Variants in GRID1 observed in about 807,000 individuals in gnomAD.
The protein encoded by GRID1 is glutamate receptor ionotropic, delta-1.
GRID1 carries 28 observed loss-of-function variants against 98.0 expected under a neutral mutation model. The ratio of observed to expected loss-of-function variants is 0.29; its 90% confidence interval spans 0.21 to 0.39. GRID1 has a LOEUF of 0.39. Among genes scored for constraint, GRID1 ranks in the 10% least tolerant of loss-of-function variants. The pLI is 1.00. For synonymous variants in GRID1, 553 were observed against 538.5 expected (o/e 1.03, Z -0.37); for missense variants, 1,111 against 1,340.5 (o/e 0.83, Z 2.67).
At chr10:85,700,622 T>C (rs895500699) in intron 12 of GRID1, among the ~76,000 whole-genome samples, 3 of 152,220 alleles carry the variant, frequency 2.0e-5, no homozygotes, top group African/African-American at 7.2e-5. Context: ...GTCATCATTA[T>C]AGCAGGTAAA....
chr10:85,788,086 T>G (rs575575826), intron 8 of GRID1, among the ~76,000 whole-genome samples: 41 of 150,570 alleles, frequency 2.7e-4, no homozygotes, highest in South Asian at 8.4e-4. Context: ...GAAAAAGAAG[T>G]TATTTTGCCT....
intron 4 of GRID1, among the ~76,000 whole-genome samples, chr10:85,948,361 G>C (rs1842078777): frequency 6.6e-6 from 1 of 152,212 alleles, no homozygotes. Flanking sequence ...AGTGGTTGAG[G>C]ATGGAGTTGA....
chr10:85,881,496 C>A (rs1412240769), intron 5 of GRID1, among the ~76,000 whole-genome samples: 1 of 152,164 alleles, frequency 6.6e-6, no homozygotes, highest in Non-Finnish European at 1.5e-5. Flanking sequence ...TGATCTTTGA[C>A]AAACCTGACA....
chr10:85,859,336 A>G (rs533047504), intron 6 of GRID1, among the ~76,000 whole-genome samples: 1 of 151,812 alleles, frequency 6.6e-6, no homozygotes, highest in Admixed American at 6.6e-5. Flanking sequence ...TGGATGAAGT[A>G]ATGGATGGAG....
chr10:86,335,154 T>C (rs1848205580), intron 2 of GRID1, among the ~76,000 whole-genome samples: 1 of 152,244 alleles, frequency 6.6e-6, no homozygotes, highest in South Asian at 2.1e-4. Flanking sequence ...TGTTAGCTAC[T>C]GTCGGCTCCT....
At chr10:85,629,610 A>C (rs1362338731) in intron 13 of GRID1, among the ~76,000 whole-genome samples, 1 of 152,236 alleles carries the variant, frequency 6.6e-6, no homozygotes, top group African/African-American at 2.4e-5. Context: ...AAATATACAT[A>C]TATATCACAT....
At chr10:85,811,825 A>C (rs1723911183) in intron 8 of GRID1, among the ~76,000 whole-genome samples, 1 of 152,202 alleles carries the variant, frequency 6.6e-6, no homozygotes, top group Non-Finnish European at 1.5e-5. Flanking sequence ...CTAGAAAGAG[A>C]GAGATGGACA....
At chr10:86,299,147 A>G (rs1004419724) in intron 2 of GRID1, among the ~76,000 whole-genome samples, 204 of 151,502 alleles carry the variant, frequency 1.3e-3, no homozygotes, top group Non-Finnish European at 2.1e-3. Context: ...TGCCTGTTCC[A>G]TGTGGTACTG....
At chr10:86,212,017 G>A (rs1846114110) in intron 2 of GRID1, among the ~76,000 whole-genome samples, 1 of 152,192 alleles carries the variant, frequency 6.6e-6, no homozygotes, top group African/African-American at 2.4e-5. Context: ...CCTGCAGGTG[G>A]GTGCTGGAGG....
intron 2 of GRID1, among the ~76,000 whole-genome samples, chr10:86,259,356 T>A (rs543465462): frequency 6.6e-5 from 10 of 152,368 alleles, no homozygotes; most frequent in Admixed American, 5.2e-4. Flanking sequence ...CTCCTTAATC[T>A]GTACCTATCC....
intron 15 of GRID1, among the ~76,000 whole-genome samples, chr10:85,612,265 C>G (rs955115195): frequency 1.3e-5 from 2 of 151,830 alleles, no homozygotes; most frequent in East Asian, 2.0e-4. Flanking sequence ...GTGGACCCAG[C>G]CTTGCTGTCC....
At chr10:85,740,376 G>C (rs1421612166) in intron 8 of GRID1, among the ~76,000 whole-genome samples, 1 of 152,178 alleles carries the variant, frequency 6.6e-6, no homozygotes, top group Non-Finnish European at 1.5e-5. Flanking sequence ...CAGATTAAGA[G>C]ATTCTTGTTG....
intron 5 of GRID1, among the ~76,000 whole-genome samples, chr10:85,876,943 C>CCAG (rs1843338926): frequency 6.6e-6 from 1 of 152,224 alleles, no homozygotes; most frequent in African/African-American, 2.4e-5. Flanking sequence ...AAATTGCACA[C>CCAG]CAGGAGATTA....
chr10:86,016,551 T>A (rs1470698994), intron 4 of GRID1, among the ~76,000 whole-genome samples: 1 of 152,204 alleles, frequency 6.6e-6, no homozygotes, highest in Non-Finnish European at 1.5e-5. Context: ...TTTTTCTGTC[T>A]TCTTCACTCC....
chr10:86,152,854 A>G (rs1224842412), intron 3 of GRID1, among the ~76,000 whole-genome samples: 1 of 152,206 alleles, frequency 6.6e-6, no homozygotes, highest in Non-Finnish European at 1.5e-5. Context: ...CAGCCCTGAC[A>G]GGGAGGCTTC....
At chr10:86,179,867 G>A (rs1026534898) in intron 3 of GRID1, among the ~76,000 whole-genome samples, 5 of 152,204 alleles carry the variant, frequency 3.3e-5, no homozygotes, top group Admixed American at 6.5e-5. Context: ...ATCTTCCCCC[G>A]TAAAGTGGAG....
At position 85,786,043 on chromosome 10, in the gene GRID1, C is replaced by T. The variant is rs1298918954; in HGVS notation, c.1234-56429G>A. ...CATACACATGCACATACCACAGACA[C>T]ATACACACCATATACATACATATGC... On this transcript the variant is annotated intron_variant, in intron 8 of 15. Coordinates refer to ENST00000327946, the MANE Select transcript of GRID1 (RefSeq NM_017551.3). Among the ~76,000 whole-genome samples, 4 of 152,172 alleles carry T rather than the reference C, an allele frequency of 2.6e-5. No homozygotes were observed. In the East Asian group the frequency reaches 7.7e-4, roughly 29 times the overall value.
chr10:85,723,742 C>T lies in GRID1; in HGVS notation c.1859-601G>A, dbSNP rs544196144. Among the ~76,000 whole-genome samples, 4 of 152,298 alleles carry T rather than the reference C, an allele frequency of 2.6e-5. No homozygotes were observed. The East Asian group carries it at 7.7e-4, about 29-fold the overall frequency. Reference sequence around the variant, plus strand: ...TTGAGGCCAATTATTTCTCCTTGGTCTCTAAAGTGTTAGGAGAAGAGAGCT... The same window carrying T: ...TTGAGGCCAATTATTTCTCCTTGGTTTCTAAAGTGTTAGGAGAAGAGAGCT... On this transcript the variant is annotated intron_variant, in intron 11 of 15. Coordinates refer to ENST00000327946, the MANE Select transcript of GRID1 (RefSeq NM_017551.3).
intron 4 of GRID1, among the ~76,000 whole-genome samples, chr10:86,059,086 A>G (rs1843614259): frequency 6.6e-6 from 1 of 152,178 alleles, no homozygotes; most frequent in East Asian, 1.9e-4. Flanking sequence ...CCAGCAGAGG[A>G]AGCAGCACGT....
Sources: allele counts gnomAD v4.1 joint callset (sites outside exome capture counted in the v4.1 genomes callset), GRCh38; gene constraint gnomAD v4.1.1; transcripts MANE v1.5; gene names NCBI Gene and HGNC (gene_info 2026-07-23, HGNC 2026-07-21).